The following ZPBP variants were observed in gnomAD, a reference collection of about 807,000 sequenced individuals.
The protein encoded by ZPBP is zona pellucida-binding protein 1.
Under a neutral mutation model 44.8 loss-of-function variants are expected in ZPBP, and 26 were observed. The ratio of observed to expected loss-of-function variants is 0.58; its 90% confidence interval spans 0.43 to 0.81. The LOEUF (loss-of-function observed/expected upper bound fraction) is 0.81, where lower values mean the gene tolerates loss of function less well. Among genes scored for constraint, ZPBP ranks in the 30% least tolerant of loss-of-function variants. ZPBP has a pLI of 0.00. For synonymous variants in ZPBP, 174 were observed against 153.2 expected (o/e 1.14, Z -1.00); for missense variants, 409 against 434.0 (o/e 0.94, Z 0.51).
intron 4 of ZPBP, among the ~76,000 whole-genome samples, chr7:50,044,031 T>G (rs991683883): frequency 6.6e-6 from 1 of 152,218 alleles, no homozygotes; most frequent in Non-Finnish European, 1.5e-5. Context: ...TGCACAACTA[T>G]GTGGAAACTG....
rs1313589134 is a variant in ZPBP at position 49,885,260 on chromosome 7, CT to C, written n.509+15857del. ...CTTTTGAAAAGCGAGTAATATGTCT[CT>C]AGTTAAAATTGGCACATAAAATGAG... On this transcript the variant is annotated intron_variant and non_coding_transcript_variant, in intron 2 of 2. Coordinates refer to the ZPBP transcript ENST00000465922. 3.3e-5 allele frequency among the ~76,000 whole-genome samples: 5 copies of C among 152,046 alleles called. No individual in the cohort carries two copies. The South Asian group carries it at 8.3e-4, about 25-fold the overall frequency.
rs149622218 is a variant in ZPBP, at chr7:50,012,026, G to A, written c.783+6214C>T. On this transcript the variant is annotated intron_variant, in intron 6 of 7. Coordinates refer to ENST00000046087, the MANE Select transcript of ZPBP (RefSeq NM_007009.3). ...AGCCTAGGCGACAGAGTGAGACCCC[G>A]TCTCAAAAAAGAAAAAAAAAAAAAG... is the stretch of plus-strand genomic sequence containing the variant. Among the ~76,000 whole-genome samples, 417 of 143,034 alleles carry A rather than the reference G, an allele frequency of 2.9e-3. 3 individuals carry two copies. Among genetic ancestry groups the A allele is most frequent in the African/African-American group, 0.01 (385 of 38,078 alleles). 93.8% of individuals were successfully genotyped at this position (143,034 alleles called of 152,430 possible). A position where few individuals can be genotyped will look rare whatever the true frequency, so the allele number is the denominator to read the frequency against.
chr7:50,020,296 C>T (rs1225229354), intron 5 of ZPBP, among the ~76,000 whole-genome samples: 1 of 152,026 alleles, frequency 6.6e-6, no homozygotes, highest in Non-Finnish European at 1.5e-5. Flanking sequence ...CAATTTTTAA[C>T]ATTCATTAAG....
At chr7:50,015,558 G>A (rs1001665598) in intron 6 of ZPBP, among the ~76,000 whole-genome samples, 2 of 152,004 alleles carry the variant, frequency 1.3e-5, no homozygotes, top group Non-Finnish European at 2.9e-5. Flanking sequence ...ATAGACAAAT[G>A]GGACCTAATT....
At chr7:49,864,002 A>T (rs1790779084) in intron 2 of ZPBP, among the ~76,000 whole-genome samples, 1 of 152,038 alleles carries the variant, frequency 6.6e-6, no homozygotes, top group Non-Finnish European at 1.5e-5. Context: ...GTTTTGCAAA[A>T]ATCATATATT....
chr7:49,891,464 A>C (rs1215090521), intron 2 of ZPBP, among the ~76,000 whole-genome samples: 1 of 152,238 alleles, frequency 6.6e-6, no homozygotes, highest in African/African-American at 2.4e-5. Context: ...ATAAATAAGG[A>C]CTTGACAACC....
chr7:50,026,438 C>T (rs6943545), intron 5 of ZPBP, among the ~76,000 whole-genome samples: 37,112 of 151,404 alleles, frequency 0.25, 5,585 homozygotes, highest in Non-Finnish European at 0.35. Flanking sequence ...ATACAATATA[C>T]ACAGGACCCT....
chr7:49,911,658 AAGCCAAGGTGGG>A (rs1294674791), intron 1 of ZPBP, among the ~76,000 whole-genome samples: 2 of 151,942 alleles, frequency 1.3e-5, no homozygotes, highest in Non-Finnish European at 2.9e-5. Context: ...GCACTTTGGG[AAGCCAAGGTGGG>A]TGGATCACTT....
intron 6 of ZPBP, among the ~76,000 whole-genome samples, chr7:49,999,885 G>A (rs1012142824): frequency 1.3e-5 from 2 of 152,054 alleles, no homozygotes; most frequent in African/African-American, 2.4e-5. Context: ...GCCCAGTCAA[G>A]TTGACACATA....
At chr7:49,866,856 G>A (rs1285570373) in intron 2 of ZPBP, among the ~76,000 whole-genome samples, 4 of 152,186 alleles carry the variant, frequency 2.6e-5, no homozygotes, top group Non-Finnish European at 5.9e-5. Context: ...CAGACAACCC[G>A]AGGCATGCCT....
chr7:50,070,462 A>T (rs748528921), intron 3 of ZPBP, among the ~76,000 whole-genome samples: 2 of 152,170 alleles, frequency 1.3e-5, no homozygotes, highest in Non-Finnish European at 2.9e-5. Context: ...GCCAGTTTTC[A>T]TCCGGGTGAA....
At chr7:50,081,967 T>C (rs1327782711) in intron 2 of ZPBP, 68 bp from the exon 3 acceptor site, 10 of 1,563,768 alleles carry the variant, frequency 6.4e-6, no homozygotes, top group Non-Finnish European at 8.7e-6. Context: ...TAATGTACAC[T>C]TTTGTAGTTT....
intron 7 of ZPBP, among the ~76,000 whole-genome samples, chr7:49,980,648 T>G (rs752468991): frequency 1.2e-4 from 18 of 151,910 alleles, no homozygotes; most frequent in Non-Finnish European, 2.6e-4. Flanking sequence ...CAGCCTCTTT[T>G]GTATAGCCAG....
chr7:49,956,460 G>A (rs1326822493), intron 7 of ZPBP, among the ~76,000 whole-genome samples: 1 of 151,868 alleles, frequency 6.6e-6, no homozygotes, highest in South Asian at 2.1e-4. Context: ...GTAAGCAAGG[G>A]CAACGAACAA....
chr7:49,850,954 C>A (rs954439416), intron 2 of ZPBP, among the ~76,000 whole-genome samples: 3 of 152,214 alleles, frequency 2.0e-5, no homozygotes, highest in Admixed American at 2.0e-4. Context: ...GCTGCCACAG[C>A]AAATCCCACA....
chr7:50,005,821 A>ATGTGTGTGTGTG (rs1384784137), intron 6 of ZPBP, among the ~76,000 whole-genome samples: 40 of 105,980 alleles, frequency 3.8e-4, no homozygotes, highest in African/African-American at 1.1e-3. Context: ...TCATAACTAT[A>ATGTGTGTGTGTG]TATGTGTGTG....
In ZPBP at chr7:50,082,493, G is replaced by C. The variant is rs576860719; in HGVS notation, c.209-594C>G. Among the ~76,000 whole-genome samples the C allele has an allele frequency of 2.0e-5, 3 of 151,674 alleles. No individual in the cohort carries two copies. The South Asian group carries it at 6.2e-4, about 31-fold the overall frequency. On this transcript the variant is annotated intron_variant, in intron 2 of 7. Coordinates refer to ENST00000046087, the MANE Select transcript of ZPBP (RefSeq NM_007009.3). Reference sequence around the variant, plus strand: ...CCTTTAGGAGATACAAAAGGAACCCGGTAAAGATTCCATTATTTTAAGTTT... The same window carrying C: ...CCTTTAGGAGATACAAAAGGAACCCCGTAAAGATTCCATTATTTTAAGTTT...
intron 5 of ZPBP, among the ~76,000 whole-genome samples, chr7:50,029,551 G>T (rs1314943915): frequency 6.6e-6 from 1 of 152,122 alleles, no homozygotes; most frequent in African/African-American, 2.4e-5. Context: ...TAAAATGGAA[G>T]AAATATTTGC....
chr7:50,060,268 T>A (rs373894107), intron 3 of ZPBP, among the ~76,000 whole-genome samples: 4 of 151,286 alleles, frequency 2.6e-5, no homozygotes, highest in African/African-American at 9.8e-5. Context: ...CCTGCTGCAG[T>A]GGAGCATGGC....
Sources: gnomAD v4.1 joint callset for allele counts (sites outside exome capture counted in the v4.1 genomes callset) on GRCh38, gnomAD v4.1.1 for gene constraint, MANE v1.5 for transcripts, NCBI Gene and HGNC (gene_info 2026-07-23, HGNC 2026-07-21) for gene names.